Variants in KAZN observed in about 807,000 individuals in gnomAD.
KAZN encodes kazrin, periplakin interacting protein, also known as kazrin.
KAZN carries 40 observed loss-of-function variants against 87.4 expected under a neutral mutation model. That is an observed-to-expected ratio of 0.46 (90% CI 0.36 to 0.60). The LOEUF (loss-of-function observed/expected upper bound fraction) is 0.60. Ranked by LOEUF, KAZN falls within the 20% of genes least tolerant of loss-of-function variation. The pLI, the probability that KAZN is intolerant of heterozygous loss-of-function variation, is 0.00. For synonymous variants in KAZN, 466 were observed against 458.3 expected (o/e 1.02, Z -0.22); for missense variants, 898 against 1,073.9 (o/e 0.84, Z 2.29).
chr1:14,580,417 G>A lies in KAZN; in HGVS notation c.250-18566G>A, dbSNP rs1330513101. Among the ~76,000 whole-genome samples, 6 of 152,292 alleles carry A rather than the reference G, an allele frequency of 3.9e-5. No homozygotes were observed. The South Asian group carries it at 8.3e-4, about 21-fold the overall frequency. On this transcript the variant is annotated intron_variant, in intron 2 of 16. Transcript: ENST00000636203. ...TTGAACCCAGGAAGAGGAAGTTGCG[G>A]TGAGCCGAGATCGTGCCATTGCACT...
rs181127005 is a variant in KAZN at position 14,735,028 on chromosome 1, G to T, written c.226+135805G>T. On this transcript the variant is annotated intron_variant, in intron 1 of 14. Coordinates refer to ENST00000376030, the MANE Select transcript of KAZN (RefSeq NM_201628.3). This position sits in a 1 kb window ranked among gnomAD's most constrained non-coding sequence, Gnocchi z 4.3. ...GTACGAGGATGTGCGTCTTGGTTTTGGGGAGCACAGGATGCTAAATGGTCA... is the reference window on the plus strand; with the variant it reads ...GTACGAGGATGTGCGTCTTGGTTTTTGGGAGCACAGGATGCTAAATGGTCA... Among the ~76,000 whole-genome samples the T allele has an allele frequency of 2.6e-5, 4 of 152,318 alleles. No individual in the cohort carries two copies. The East Asian group carries it at 7.7e-4, about 29-fold the overall frequency.
At chr1:14,909,961 G>A (rs1160562910) in intron 1 of KAZN, among the ~76,000 whole-genome samples, 1 of 152,208 alleles carries the variant, frequency 6.6e-6, no homozygotes, top group African/African-American at 2.4e-5. Flanking sequence ...GCTGAGACAA[G>A]AGAATCGCTT....
chr1:14,431,314 T>C (rs1263379357), intron 2 of KAZN, among the ~76,000 whole-genome samples: 6 of 152,130 alleles, frequency 3.9e-5, no homozygotes, highest in African/African-American at 1.4e-4. Flanking sequence ...TTGATAAAAT[T>C]AGTTAATTTA....
At chr1:14,150,816 G>T (rs1026434536) in intron 1 of KAZN, among the ~76,000 whole-genome samples, 1 of 152,048 alleles carries the variant, frequency 6.6e-6, no homozygotes, top group Non-Finnish European at 1.5e-5. Context: ...ATAATTACTG[G>T]TATCAGCCCC....
At chr1:14,052,815 TA>T (rs1486656190) in intron 1 of KAZN, among the ~76,000 whole-genome samples, 1 of 152,204 alleles carries the variant, frequency 6.6e-6, no homozygotes, top group Non-Finnish European at 1.5e-5. Context: ...GTGCGTATTC[TA>T]ACAGAGAGTC....
At chr1:14,788,508 C>T (rs1020182313) in intron 1 of KAZN, among the ~76,000 whole-genome samples, 1 of 152,240 alleles carries the variant, frequency 6.6e-6, no homozygotes, top group Admixed American at 6.5e-5. Context: ...ATCGATGCAG[C>T]ACAAAGGCTT....
intron 2 of KAZN, among the ~76,000 whole-genome samples, chr1:14,388,128 T>A (rs1282654211): frequency 6.6e-6 from 1 of 152,024 alleles, no homozygotes; most frequent in Non-Finnish European, 1.5e-5. Context: ...AACTCCCTGA[T>A]CCCTTGCGCT....
chr1:14,689,803 G>A (rs113736518), intron 1 of KAZN, among the ~76,000 whole-genome samples: 1,936 of 152,298 alleles, frequency 0.013, 36 homozygotes, highest in African/African-American at 0.041. Context: ...GGCAGAGGGC[G>A]TGGTGAGACC....
At chr1:14,740,014 A>G (rs1644038048) in intron 1 of KAZN, among the ~76,000 whole-genome samples, 1 of 152,158 alleles carries the variant, frequency 6.6e-6, no homozygotes, top group African/African-American at 2.4e-5. Context: ...GGAAAGAAGG[A>G]GTCCTTTCCT....
At chr1:14,944,957 GGGGTC>G (rs971463148) in intron 1 of KAZN, among the ~76,000 whole-genome samples, 35 of 152,300 alleles carry the variant, frequency 2.3e-4, no homozygotes, top group African/African-American at 8.4e-4. Context: ...GTTGGGTTTT[GGGGTC>G]GCAGTGGCCC....
intron 2 of KAZN, among the ~76,000 whole-genome samples, chr1:14,473,671 A>C (rs1436475455): frequency 2.7e-5 from 4 of 148,610 alleles, no homozygotes; most frequent in Non-Finnish European, 3.0e-5. Context: ...ACAAAAAAAA[A>C]CTCTTCATCA....
chr1:14,747,077 G>A (rs565479989), intron 1 of KAZN, among the ~76,000 whole-genome samples: 2 of 152,168 alleles, frequency 1.3e-5, no homozygotes, highest in African/African-American at 4.8e-5. Context: ...CGTATAAGCA[G>A]AATCATATAG....
At chr1:14,869,505 A>T (rs576958823) in intron 1 of KAZN, among the ~76,000 whole-genome samples, 1 of 152,118 alleles carries the variant, frequency 6.6e-6, no homozygotes, top group Non-Finnish European at 1.5e-5. Context: ...TAATTTTTAT[A>T]TCTTCACCTA....
chr1:14,253,324 C>G (rs947907602), intron 2 of KAZN, among the ~76,000 whole-genome samples: 1 of 152,130 alleles, frequency 6.6e-6, no homozygotes, highest in Non-Finnish European at 1.5e-5. Context: ...TTGCAGATTC[C>G]CTTCTTGCTC....
intron 8 of KAZN, among the ~76,000 whole-genome samples, chr1:15,082,329 C>T (rs770038507): frequency 6.6e-6 from 1 of 152,160 alleles, no homozygotes; most frequent in Admixed American, 6.5e-5. Flanking sequence ...TTCTATCAGG[C>T]TCCAGGGAGC....
At chr1:13,928,938 A>G (rs1163091268) in intron 1 of KAZN, among the ~76,000 whole-genome samples, 1 of 151,846 alleles carries the variant, frequency 6.6e-6, no homozygotes, top group Non-Finnish European at 1.5e-5. Context: ...CAAGTTGTGA[A>G]TTAGAGAGAC....
intron 2 of KAZN, among the ~76,000 whole-genome samples, chr1:14,525,295 GT>G (rs1453901650): frequency 1.3e-5 from 2 of 152,174 alleles, no homozygotes; most frequent in African/African-American, 4.8e-5. Flanking sequence ...CTAATAGGTA[GT>G]TTGTGCATTA....
intron 1 of KAZN, among the ~76,000 whole-genome samples, chr1:13,913,713 G>A (rs982503807): frequency 3.3e-5 from 5 of 152,148 alleles, no homozygotes; most frequent in African/African-American, 1.2e-4. Flanking sequence ...AACCTTGGAG[G>A]GGGTGATCCT....
intron 1 of KAZN, among the ~76,000 whole-genome samples, chr1:14,072,618 C>T (rs1197375150): frequency 6.6e-6 from 1 of 152,180 alleles, no homozygotes; most frequent in East Asian, 1.9e-4. Context: ...TGGTATCCTT[C>T]CACTGGTGAG....
Sources: allele counts gnomAD v4.1 joint callset (sites outside exome capture counted in the v4.1 genomes callset), GRCh38; gene constraint gnomAD v4.1.1; non-coding constraint Gnocchi (gnomAD v3.1); transcripts MANE v1.5; gene names NCBI Gene and HGNC (gene_info 2026-07-23, HGNC 2026-07-21).